Variants in ANKFN1 observed in about 807,000 individuals in gnomAD.
ANKFN1 encodes the protein ankyrin repeat and fibronectin type III domain containing 1, also known as ankyrin repeat and fibronectin type-III domain-containing protein 1.
Under a neutral mutation model 108.7 loss-of-function variants are expected in ANKFN1, and 74 were observed. The ratio of observed to expected loss-of-function variants is 0.68; its 90% CI spans 0.56 to 0.83. The LOEUF (loss-of-function observed/expected upper bound fraction) is 0.83. Among genes scored for constraint, ANKFN1 ranks in the 40% least tolerant of loss-of-function variants. ANKFN1 has a pLI of 0.00. For missense variants in ANKFN1, 1,505 were observed against 1,382.3 expected (o/e 1.09, Z -1.41); for synonymous variants, 547 against 516.2 (o/e 1.06, Z -0.81).
At chr17:56,423,642 TG>T (rs891640448) in intron 8 of ANKFN1, among the ~76,000 whole-genome samples, 1 of 152,252 alleles carries the variant, frequency 6.6e-6, no homozygotes, top group South Asian at 2.1e-4. Context: ...TCTCTCTCCC[TG>T]GAATGCCCCA....
At chr17:56,388,110 A>G (rs1037619708) in intron 8 of ANKFN1, among the ~76,000 whole-genome samples, 6 of 151,512 alleles carry the variant, frequency 4.0e-5, no homozygotes, top group African/African-American at 1.5e-4. Flanking sequence ...ATAAGCTTCT[A>G]TGGCTATTTC....
intron 8 of ANKFN1, among the ~76,000 whole-genome samples, chr17:56,437,303 G>T (rs2048960304): frequency 6.6e-6 from 1 of 152,140 alleles, no homozygotes; most frequent in Admixed American, 6.5e-5. Context: ...GGTTTCTTTA[G>T]AAATTCTAAA....
At chr17:56,250,074 A>G (rs1033910367) in intron 3 of ANKFN1, among the ~76,000 whole-genome samples, 1 of 152,166 alleles carries the variant, frequency 6.6e-6, no homozygotes, top group Non-Finnish European at 1.5e-5. Flanking sequence ...CAGCATATCC[A>G]TAGGAACAGA....
intron 8 of ANKFN1, among the ~76,000 whole-genome samples, chr17:56,422,220 A>G (rs1036076144): frequency 6.6e-6 from 1 of 152,206 alleles, no homozygotes; most frequent in African/African-American, 2.4e-5. Flanking sequence ...TTGCTAACGC[A>G]TGGTACTTAT....
At chr17:56,423,017 T>C (rs1164392546) in intron 8 of ANKFN1, among the ~76,000 whole-genome samples, 1 of 152,190 alleles carries the variant, frequency 6.6e-6, no homozygotes, top group East Asian at 1.9e-4. Context: ...AGTCAGATGA[T>C]GGGACTCAAA....
At chr17:56,333,308 C>A (rs111792971) in intron 4 of ANKFN1, among the ~76,000 whole-genome samples, 403 of 152,052 alleles carry the variant, frequency 2.7e-3, no homozygotes, top group African/African-American at 8.9e-3. Flanking sequence ...TTAAAATATT[C>A]TTTTAATCAG....
chr17:56,125,821 G>A (rs980106358), intron 4 of ANKFN1, among the ~76,000 whole-genome samples: 6 of 152,200 alleles, frequency 3.9e-5, no homozygotes, highest in Non-Finnish European at 5.9e-5. Flanking sequence ...GCAAAGGCAA[G>A]ACAAGAGAGG....
chr17:56,358,476 C>T (rs773551293), intron 6 of ANKFN1, among the ~76,000 whole-genome samples: 1 of 152,160 alleles, frequency 6.6e-6, no homozygotes, highest in Non-Finnish European at 1.5e-5. Context: ...CCAGAAGCAG[C>T]CATCTAAACT....
At chr17:56,509,386 T>A (rs2145489372) in intron 20 of ANKFN1, among the ~76,000 whole-genome samples, 1 of 152,302 alleles carries the variant, frequency 6.6e-6, no homozygotes. Flanking sequence ...GGTTGCTCCA[T>A]GACCTCATCC....
chr17:56,351,000 T>G (rs758154634), intron 5 of ANKFN1, 33 bp downstream of exon 5: 1 of 1,598,530 alleles, frequency 6.3e-7, no homozygotes, highest in Non-Finnish European at 8.6e-7. Context: ...TGTGTCAGTT[T>G]GATTTATTCA....
chr17:56,406,265 G>A (rs2047917371), intron 8 of ANKFN1, among the ~76,000 whole-genome samples: 1 of 152,120 alleles, frequency 6.6e-6, no homozygotes, highest in Non-Finnish European at 1.5e-5. Flanking sequence ...CGAGAACAAA[G>A]TTTTCTGTAA....
At chr17:56,428,468 T>C (rs1484554844) in intron 8 of ANKFN1, among the ~76,000 whole-genome samples, 1 of 150,652 alleles carries the variant, frequency 6.6e-6, no homozygotes, top group African/African-American at 2.4e-5. Context: ...TTTTCTTTTT[T>C]TTTTTTTTTT....
intron 3 of ANKFN1, among the ~76,000 whole-genome samples, chr17:56,266,275 C>A (rs959395035): frequency 6.6e-6 from 1 of 152,148 alleles, no homozygotes; most frequent in African/African-American, 2.4e-5. Context: ...TTTTACCTAC[C>A]TTTGAATCTA....
At chr17:56,154,740 T>C (rs1306694155) in intron 1 of ANKFN1, among the ~76,000 whole-genome samples, 1 of 152,126 alleles carries the variant, frequency 6.6e-6, no homozygotes, top group Non-Finnish European at 1.5e-5. Flanking sequence ...ATTTTGCCCC[T>C]GATTCTAACC....
At chr17:56,495,729 T>A (rs1180130402) in intron 19 of ANKFN1, among the ~76,000 whole-genome samples, 3 of 152,172 alleles carry the variant, frequency 2.0e-5, no homozygotes, top group Non-Finnish European at 4.4e-5. Flanking sequence ...TAGGCTATAA[T>A]TTATATACTG....
chr17:56,177,338 G>A (rs895958477), intron 1 of ANKFN1, among the ~76,000 whole-genome samples: 3 of 152,210 alleles, frequency 2.0e-5, no homozygotes, highest in African/African-American at 7.2e-5. Flanking sequence ...CAACAACACA[G>A]ATGGAATTTT....
chr17:56,356,313 C>T (rs2046375949), intron 6 of ANKFN1, among the ~76,000 whole-genome samples: 1 of 152,158 alleles, frequency 6.6e-6, no homozygotes, highest in South Asian at 2.1e-4. Flanking sequence ...TGGCTGTGAG[C>T]CACTGTTTTT....
chr17:56,402,092 A>G (rs1053974410), intron 8 of ANKFN1, among the ~76,000 whole-genome samples: 5 of 152,084 alleles, frequency 3.3e-5, no homozygotes, highest in Admixed American at 6.6e-5. Context: ...GGATTCAGTT[A>G]GCTAGTATTT....
intron 1 of ANKFN1, among the ~76,000 whole-genome samples, chr17:56,174,743 C>T (rs1174231519): frequency 6.6e-6 from 1 of 152,190 alleles, no homozygotes. Flanking sequence ...TAAAGATGAA[C>T]AAAGATTGAT....
Sources: allele counts gnomAD v4.1 joint callset (sites outside exome capture counted in the v4.1 genomes callset), GRCh38; gene constraint gnomAD v4.1.1; transcripts MANE v1.5; gene names NCBI Gene and HGNC (gene_info 2026-07-23, HGNC 2026-07-21).